The following CSMD3 variants were observed in gnomAD, a reference collection of about 807,000 sequenced individuals.
CSMD3 encodes CUB and Sushi multiple domains 3.
CSMD3 carries 177 observed loss-of-function variants against 435.2 expected under a neutral mutation model. That is an observed-to-expected ratio of 0.41 (90% CI 0.36 to 0.46). The LOEUF (loss-of-function observed/expected upper bound fraction) is 0.46, where lower values mean the gene tolerates loss of function less well. Among genes scored for constraint, CSMD3 ranks in the 20% least tolerant of loss-of-function variants. The pLI, the probability that CSMD3 is intolerant of heterozygous loss-of-function variation, is 0.34. For synonymous variants in CSMD3, 1,656 were observed against 1,520.5 expected, an observed-to-expected ratio of 1.09 and a Z score of -2.07; for missense variants, 4,265 against 4,504.6, an observed-to-expected ratio of 0.95 and a Z score of 1.52.
intron 3 of CSMD3, among the ~76,000 whole-genome samples, chr8:113,242,122 A>G (rs914973866): frequency 5.9e-5 from 9 of 151,806 alleles, no homozygotes; most frequent in Non-Finnish European, 1.2e-4. Flanking sequence ...TAAAAAATTT[A>G]ATAAGGAACA....
At chr8:112,635,808 C>T (rs1344700548) in intron 22 of CSMD3, among the ~76,000 whole-genome samples, 2 of 152,032 alleles carry the variant, frequency 1.3e-5, no homozygotes, top group East Asian at 3.9e-4. Flanking sequence ...AAGGATATAA[C>T]TTCTTCAATC....
intron 3 of CSMD3, among the ~76,000 whole-genome samples, chr8:113,195,152 T>C (rs1220888710): frequency 6.6e-6 from 1 of 151,006 alleles, no homozygotes; most frequent in East Asian, 2.0e-4. Flanking sequence ...GCTATTTTTT[T>C]CCTTTCTTTC....
At chr8:112,414,251 A>AGT (rs1811668202) in intron 32 of CSMD3, among the ~76,000 whole-genome samples, 1 of 152,158 alleles carries the variant, frequency 6.6e-6, no homozygotes, top group Non-Finnish European at 1.5e-5. Context: ...CTTGAATTGT[A>AGT]ATCCCAATAA....
intron 32 of CSMD3, among the ~76,000 whole-genome samples, chr8:112,421,582 A>C (rs1812509274): frequency 6.8e-6 from 1 of 146,956 alleles, no homozygotes; most frequent in African/African-American, 2.5e-5. Context: ...TAATATATTT[A>C]TAATATATAT....
Position 112,816,823 on chromosome 8 carries a change from A to G in CSMD3, c.1859+12863T>C, listed in dbSNP as rs201164005. On this transcript the variant is annotated intron_variant, in intron 12 of 70. Coordinates refer to ENST00000297405, the MANE Select transcript of CSMD3 (RefSeq NM_198123.2). ...ATTAAAATACTATTAAATTCAATAA[A>G]TAAAAAATTTATTTATAAATTATTA... 1.2e-4 allele frequency among the ~76,000 whole-genome samples: 18 copies of G among 151,684 alleles called. 1 individual carries two copies. In the East Asian group the frequency reaches 3.1e-3, roughly 26 times the overall value.
intron 3 of CSMD3, among the ~76,000 whole-genome samples, chr8:113,262,621 T>C (rs1353790739): frequency 6.6e-6 from 1 of 152,096 alleles, no homozygotes; most frequent in Non-Finnish European, 1.5e-5. Flanking sequence ...GATATATTCC[T>C]GCTCTGCTGA....
chr8:113,300,209 G>A (rs185993192), intron 2 of CSMD3, among the ~76,000 whole-genome samples: 4 of 148,298 alleles, frequency 2.7e-5, no homozygotes, highest in Admixed American at 2.0e-4. Context: ...GCGAAGAAAA[G>A]GGAACACATA....
intron 7 of CSMD3, among the ~76,000 whole-genome samples, chr8:112,974,711 A>G (rs2084782232): frequency 1.3e-5 from 2 of 151,886 alleles, no homozygotes; most frequent in Non-Finnish European, 2.9e-5. Context: ...AAAGAGAATC[A>G]AAGTAAGTAT....
chr8:112,839,591 G>T (rs2080123421), intron 11 of CSMD3, among the ~76,000 whole-genome samples: 1 of 151,618 alleles, frequency 6.6e-6, no homozygotes, highest in African/African-American at 2.4e-5. Flanking sequence ...TATAAGTTAG[G>T]TCGTATATAT....
intron 22 of CSMD3, among the ~76,000 whole-genome samples, chr8:112,627,508 C>G (rs1448536490): frequency 1.3e-5 from 2 of 152,278 alleles, no homozygotes; most frequent in South Asian, 2.1e-4. Context: ...AATTCAAACT[C>G]TCTTTTAAAA....
At chr8:112,238,095 T>C (rs1813765517) in intron 66 of CSMD3, among the ~76,000 whole-genome samples, 1 of 151,976 alleles carries the variant, frequency 6.6e-6, no homozygotes, top group Non-Finnish European at 1.5e-5. Flanking sequence ...AATTTAAAGT[T>C]ATATAAATTG....
intron 11 of CSMD3, among the ~76,000 whole-genome samples, chr8:112,844,728 CTGT>C (rs576051793): frequency 4.6e-5 from 7 of 151,966 alleles, no homozygotes; most frequent in Admixed American, 1.3e-4. Context: ...GTTTAAGTCT[CTGT>C]TAATGCGTTT....
chr8:112,924,135 T>C (rs911561340), intron 9 of CSMD3, among the ~76,000 whole-genome samples: 3 of 152,140 alleles, frequency 2.0e-5, no homozygotes, highest in African/African-American at 7.2e-5. Context: ...TCTGAGAGAA[T>C]TGGGCAGTTG....
chr8:112,710,415 C>T (rs772727285), intron 13 of CSMD3, among the ~76,000 whole-genome samples: 7 of 152,050 alleles, frequency 4.6e-5, no homozygotes, highest in Non-Finnish European at 8.8e-5. Context: ...TCATTTCATG[C>T]TTATCCAATA....
At chr8:113,350,142 G>A (rs1164613009) in intron 1 of CSMD3, among the ~76,000 whole-genome samples, 1 of 151,938 alleles carries the variant, frequency 6.6e-6, no homozygotes, top group African/African-American at 2.4e-5. Context: ...TCCAAGCAGA[G>A]GTCATAGATA....
At chr8:112,549,138 T>A (rs554495473) in intron 27 of CSMD3, among the ~76,000 whole-genome samples, 48 of 152,146 alleles carry the variant, frequency 3.2e-4, no homozygotes, top group Non-Finnish European at 5.3e-4. Flanking sequence ...ACAATTTAAG[T>A]GGAAAACACT....
chr8:113,367,225 GACATT>G (rs138979635), intron 1 of CSMD3, among the ~76,000 whole-genome samples: 1,524 of 151,808 alleles, frequency 0.01, 22 homozygotes, highest in African/African-American at 0.035. Flanking sequence ...GAAACAACAG[GACATT>G]ATCCATGTTT....
At chr8:113,373,468 T>G (rs1003064739) in intron 1 of CSMD3, among the ~76,000 whole-genome samples, 5 of 152,108 alleles carry the variant, frequency 3.3e-5, no homozygotes, top group African/African-American at 1.2e-4. Flanking sequence ...GTATTAAAAA[T>G]TGCTTAAATA....
intron 13 of CSMD3, among the ~76,000 whole-genome samples, chr8:112,734,495 G>T (rs1213858011): frequency 6.6e-6 from 1 of 151,934 alleles, no homozygotes; most frequent in South Asian, 2.1e-4. Context: ...GCAGAATTAA[G>T]ATTAATATTT....
Sources: gnomAD v4.1 joint callset for allele counts (sites outside exome capture counted in the v4.1 genomes callset) on GRCh38, gnomAD v4.1.1 for gene constraint, MANE v1.5 for transcripts, NCBI Gene and HGNC (gene_info 2026-07-23, HGNC 2026-07-21) for gene names.